Variants in ATM observed in about 807,000 individuals in gnomAD.
ATM encodes the protein serine-protein kinase ATM.
A neutral mutation model predicts 387.0 loss-of-function variants in ATM; 308 were observed. The ratio of observed to expected loss-of-function variants is 0.80; its 90% confidence interval spans 0.73 to 0.87. The LOEUF (loss-of-function observed/expected upper bound fraction) is 0.87, where lower values mean the gene tolerates loss of function less well. Ranked by LOEUF, ATM falls within the 40% of genes least tolerant of loss-of-function variation. The pLI is 0.00. For missense variants in ATM, 3,312 were observed against 3,560.9 expected (o/e 0.93, Z 1.78); for synonymous variants, 1,156 against 1,187.3 (o/e 0.97, Z 0.54).
intron 61 of ATM, among the ~76,000 whole-genome samples, chr11:108,357,779 C>T (rs897666648): frequency 6.6e-6 from 1 of 152,034 alleles, no homozygotes; most frequent in Admixed American, 6.5e-5. Context: ...GATATCCACA[C>T]CAAAAACCCA....
At chr11:108,296,882 A>C (rs1023213715) in intron 32 of ATM, 23 of 262,478 alleles carry the variant, frequency 8.8e-5, no homozygotes, top group Non-Finnish European at 4.5e-5. Context: ...TAGATTATAG[A>C]CATTTCCATC....
chr11:108,279,240 T>G (rs1356147974), intron 22 of ATM, among the ~76,000 whole-genome samples: 1 of 152,212 alleles, frequency 6.6e-6, no homozygotes, highest in Non-Finnish European at 1.5e-5. Flanking sequence ...TGAGCAATAG[T>G]TAAAATATAT....
Position 108,326,099 on chromosome 11 carries a change from AG to A in ATM, c.6850del (p.Val2284LeufsTer26), listed in dbSNP as rs876659569. ...TATTTCAAATTAAACAGTACAATTC[AG>A]TTAGCTGTGGAGTCTCTGAGTGGCA... ...AIFQIKQYNS[V>X]SCGVSEWQLE... On this transcript the variant is annotated frameshift_variant, in exon 47 of 63. Coordinates refer to ENST00000675843, the MANE Select transcript of ATM (RefSeq NM_000051.4). LOFTEE classifies it high-confidence loss of function. 6.2e-7 allele frequency: 1 copy of A among 1,614,174 alleles called. No homozygotes were observed. Among genetic ancestry groups the A allele is most frequent in the South Asian group, 1.1e-5 (1 of 91,088 alleles).
At chr11:108,269,345 C>G (rs2081445869) in intron 18 of ATM, among the ~76,000 whole-genome samples, 1 of 151,924 alleles carries the variant, frequency 6.6e-6, no homozygotes, top group Non-Finnish European at 1.5e-5. Context: ...CTGATGTTTC[C>G]TTATGATTAA....
intron 8 of ATM, 46 bp from the exon 9 acceptor site, chr11:108,248,887 T>C: frequency 7.5e-7 from 1 of 1,339,538 alleles, no homozygotes; most frequent in Non-Finnish European, 1.0e-6. Flanking sequence ...AAACTCTGGC[T>C]CAAAAAAAAA....
At chr11:108,227,944 T>G (rs2078829393) in intron 3 of ATM, 56 bp downstream of exon 3, 1 of 1,410,670 alleles carries the variant, frequency 7.1e-7, no homozygotes, top group African/African-American at 1.4e-5. Context: ...TATTTATTTC[T>G]GTTGTGATAT....
chr11:108,247,842 C>T (rs2079931154), intron 8 of ATM, among the ~76,000 whole-genome samples: 1 of 151,404 alleles, frequency 6.6e-6, no homozygotes, highest in African/African-American at 2.4e-5. Context: ...GATCCTCCTG[C>T]ATCGGCCTCC....
At chr11:108,309,468 A>G (rs1007589927) in intron 38 of ATM, among the ~76,000 whole-genome samples, 17 of 152,324 alleles carry the variant, frequency 1.1e-4, no homozygotes, top group African/African-American at 4.1e-4. Flanking sequence ...GAAACTAGGA[A>G]ACTGAGGTTT....
intron 17 of ATM, among the ~76,000 whole-genome samples, chr11:108,267,751 G>C (rs1381384445): frequency 6.6e-6 from 1 of 152,152 alleles, no homozygotes; most frequent in East Asian, 1.9e-4. Context: ...CAGCTACTCG[G>C]GAGGCTGAAG....
intron 15 of ATM, among the ~76,000 whole-genome samples, chr11:108,258,065 T>G (rs1344842075): frequency 6.6e-6 from 1 of 151,956 alleles, no homozygotes; most frequent in African/African-American, 2.4e-5. Flanking sequence ...CCTGGCTGAT[T>G]TTTGTATTTT....
intron 38 of ATM, among the ~76,000 whole-genome samples, 189 bp from the exon 39 acceptor site, chr11:108,309,971 T>G (rs528203238): frequency 3.9e-4 from 60 of 152,276 alleles, no homozygotes; most frequent in African/African-American, 1.4e-3. Flanking sequence ...ACCAAAAAGA[T>G]TAATTAAATA....
At chr11:108,245,472 T>C (rs1361752017) in intron 7 of ATM, among the ~76,000 whole-genome samples, 1 of 152,168 alleles carries the variant, frequency 6.6e-6, no homozygotes, top group East Asian at 1.9e-4. Context: ...TACATATTAC[T>C]TTAATAGGAA....
intron 57 of ATM, among the ~76,000 whole-genome samples, chr11:108,344,219 G>A (rs1422911104): frequency 6.6e-6 from 1 of 152,164 alleles, no homozygotes; most frequent in Admixed American, 6.5e-5. Flanking sequence ...TGTAGGTATG[G>A]AGGAGGAAGT....
chr11:108,282,762 TG>T lies in ATM; in HGVS notation c.3631del (p.Ala1211HisfsTer4), dbSNP rs1064795885. On this transcript the variant is annotated frameshift_variant, in exon 25 of 63. Transcript: ENST00000675843. LOFTEE classifies it high-confidence loss of function. ...GGATATAGACGTTTAGAAGACTTTA[TG>T]GCATCTCATTTAGATTATCTGGTTT... ...TFGYRRLEDF[M>X]ASHLDYLVLE... The T allele has an allele frequency of 6.2e-7, 1 of 1,612,814 alleles. No individual in the cohort carries two copies. The highest frequency in any genetic ancestry group is 1.3e-5 in the African/African-American group (1 of 74,910).
At chr11:108,230,685 C>T (rs1370751620) in intron 4 of ATM, 2 of 151,692 alleles carry the variant, frequency 1.3e-5, no homozygotes, top group Non-Finnish European at 2.9e-5. Flanking sequence ...GCCAGAAAAA[C>T]AAACAAAAAA....
chr11:108,319,026 A>T (rs1427157540), intron 43 of ATM, among the ~76,000 whole-genome samples: 1 of 152,096 alleles, frequency 6.6e-6, no homozygotes, highest in African/African-American at 2.4e-5. Flanking sequence ...AAAATACAAA[A>T]GTTAGCTGGG....
At chr11:108,323,573 A>G (rs1342594551) in intron 45 of ATM, among the ~76,000 whole-genome samples, 4 of 152,234 alleles carry the variant, frequency 2.6e-5, no homozygotes, top group African/African-American at 9.6e-5. Context: ...TCCAACACAA[A>G]TGATAAATGT....
chr11:108,269,325 C>CT (rs2081444650), intron 18 of ATM, among the ~76,000 whole-genome samples: 1 of 152,068 alleles, frequency 6.6e-6, no homozygotes, highest in African/African-American at 2.4e-5. Context: ...GTCCCTTGCT[C>CT]TGAGTTTGTC....
At position 108,343,449 on chromosome 11, in the gene ATM, A is replaced by G. The variant is rs11824991; in HGVS notation, c.8418+78A>G. 8,889 of 1,552,152 alleles carry G rather than the reference A, an allele frequency of 5.7e-3. 447 individuals are homozygous for G. In the African/African-American group the frequency reaches 0.11, roughly 18 times the overall value. On this transcript the variant is annotated intron_variant, in intron 57 of 62. Coordinates refer to ENST00000675843, the MANE Select transcript of ATM (RefSeq NM_000051.4). Reference sequence around the variant, plus strand: ...AAAGCTGACAGCTGTCAGATATTATAGAATACAAAAAAACTTTAATTTCAT... The same window carrying G: ...AAAGCTGACAGCTGTCAGATATTATGGAATACAAAAAAACTTTAATTTCAT...
Sources: gnomAD v4.1 joint callset for allele counts (sites outside exome capture counted in the v4.1 genomes callset) on GRCh38, gnomAD v4.1.1 for gene constraint, MANE v1.5 for transcripts, NCBI Gene and HGNC (gene_info 2026-07-23, HGNC 2026-07-21) for gene names.